Variants in LRRK1 observed in about 807,000 individuals in gnomAD.
LRRK1 encodes the protein leucine rich repeat kinase 1.
In LRRK1, 113 loss-of-function variants were observed where a neutral mutation model predicts 209.1. That is an observed-to-expected ratio of 0.54 (90% confidence interval 0.46 to 0.63). LRRK1 has a LOEUF of 0.63. Ranked by LOEUF, LRRK1 falls within the 30% of genes least tolerant of loss-of-function variation. LRRK1 has a pLI of 0.00. For missense variants in LRRK1, 2,284 were observed against 2,632.2 expected (o/e 0.87, Z 2.89); for synonymous variants, 1,144 against 1,099.7 (o/e 1.04, Z -0.80).
chr15:101,053,199 C>G (rs1202885733), intron 25 of LRRK1, 24 bp from the exon 26 acceptor site: 1 of 1,600,070 alleles, frequency 6.2e-7, no homozygotes, highest in East Asian at 2.2e-5. Flanking sequence ...GTCCTACTGG[C>G]TGACACTGCG....
At chr15:100,972,335 TGAGAGAGAGA>T (rs747771078) in intron 2 of LRRK1, among the ~76,000 whole-genome samples, 2 of 106,210 alleles carry the variant, frequency 1.9e-5, no homozygotes, top group South Asian at 3.6e-4. Context: ...TATATATATA[TGAGAGAGAGA>T]GAGAGAGAGA....
chr15:101,021,615 G>A (rs943162969), intron 13 of LRRK1: 249 of 540,196 alleles, frequency 4.6e-4, no homozygotes, highest in Non-Finnish European at 7.1e-4. Flanking sequence ...AGTTGGGGGA[G>A]GGGACTCAAT....
At chr15:101,025,040 A>G in intron 16 of LRRK1, 73 bp downstream of exon 16, 1 of 1,489,384 alleles carries the variant, frequency 6.7e-7, no homozygotes, top group East Asian at 2.3e-5. Context: ...TCCCTCAAGC[A>G]TCCCCTGTAC....
At chr15:101,023,917 C>T (rs542104610) in intron 15 of LRRK1, among the ~76,000 whole-genome samples, 1 of 152,334 alleles carries the variant, frequency 6.6e-6, no homozygotes, top group Non-Finnish European at 1.5e-5. Context: ...GAACCAGAAT[C>T]CTCTGCATTC....
At position 100,947,768 on chromosome 15, in the gene LRRK1, G is replaced by A. The variant is rs1279878632; in HGVS notation, c.97+23039G>A. 2.6e-5 allele frequency among the ~76,000 whole-genome samples: 4 copies of A among 152,224 alleles called. No individual in the cohort carries two copies. In the East Asian group the frequency reaches 7.7e-4, roughly 29 times the overall value. On this transcript the variant is annotated intron_variant, in intron 2 of 33. Transcript: ENST00000388948. ...AGCTATCATGAAGAAGAGTGTGCTA[G>A]ATCTCCATGTGCCTATGCAGAAGAA...
In LRRK1 at chr15:101,077,134, T is replaced by A. The variant is rs566200566; in HGVS notation, c.*8286T>A. ...AGACTGGACAATACTTTTACCACTT[T>A]CCCTTCTCAGAATTCAGGCCTGTCC... On this transcript the variant is annotated 3_prime_UTR_variant, in exon 34 of 34. Coordinates refer to ENST00000388948, the MANE Select transcript of LRRK1 (RefSeq NM_024652.6). 1 of 152,320 alleles carries A rather than the reference T, an allele frequency of 6.6e-6. No homozygotes were observed. Among genetic ancestry groups the A allele is most frequent in the East Asian group, 1.9e-4 (1 of 5,194 alleles). The allele number at this position is 152,320 out of a possible 1,614,324, so 9.4% of individuals were successfully genotyped here.
intron 2 of LRRK1, among the ~76,000 whole-genome samples, chr15:100,943,164 C>T (rs938330123): frequency 1.3e-5 from 2 of 152,102 alleles, no homozygotes; most frequent in Non-Finnish European, 2.9e-5. Context: ...ACAAGATGGC[C>T]TGCCTTTCCT....
At chr15:100,962,794 C>CATATATAT (rs769399875) in intron 2 of LRRK1, among the ~76,000 whole-genome samples, 1 of 39,412 alleles carries the variant, frequency 2.5e-5, no homozygotes, top group African/African-American at 8.8e-5. Context: ...TTTCATTTTG[C>CATATATAT]ATATATATAT....
rs572652315 is a variant in LRRK1 at position 101,074,413 on chromosome 15, C to A, written c.*5565C>A. The A allele has an allele frequency of 1.3e-5, 2 of 152,150 alleles. No individual in the cohort carries two copies. The highest frequency in any genetic ancestry group is 6.5e-5 in the Admixed American group (1 of 15,276). The allele number at this position is 152,150 out of a possible 1,614,324, so 9.4% of individuals were successfully genotyped here. On this transcript the variant is annotated 3_prime_UTR_variant, in exon 34 of 34. Coordinates refer to ENST00000388948, the MANE Select transcript of LRRK1 (RefSeq NM_024652.6). ...AAAGGCATAGTCAAGGTTAATGCTC[C>A]TTTTTCTTTATCCCAAATCAGATAG...
intron 2 of LRRK1, among the ~76,000 whole-genome samples, chr15:100,963,667 C>T (rs1245015682): frequency 1.3e-5 from 2 of 152,190 alleles, no homozygotes; most frequent in Non-Finnish European, 1.5e-5. Context: ...CGTGTCATTT[C>T]TGTAGGGAAA....
intron 4 of LRRK1, among the ~76,000 whole-genome samples, chr15:100,984,937 C>T (rs2031790559): frequency 6.6e-6 from 1 of 152,162 alleles, no homozygotes; most frequent in South Asian, 2.1e-4. Flanking sequence ...TCACCCAGGG[C>T]CCTGCACCTA....
chr15:101,053,488 C>T lies in LRRK1; in HGVS notation c.4054+68C>T, dbSNP rs576479738. ...AGCCCCGGGCGCCTCCTGCCTGGCA[C>T]GGGGGGTAGAGCCTCAGGTGGCCTT... On this transcript the variant is annotated intron_variant, in intron 26 of 33. Coordinates refer to ENST00000388948, the MANE Select transcript of LRRK1 (RefSeq NM_024652.6). 1,321 of 1,382,380 alleles carry T rather than the reference C, an allele frequency of 9.6e-4. 21 individuals carry two copies. In the South Asian group the frequency reaches 0.016, roughly 17 times the overall value. 85.6% of individuals were successfully genotyped at this position (1,382,380 alleles called of 1,614,324 possible).
chr15:101,043,211 CTGGA>C (rs2034861236), intron 20 of LRRK1, among the ~76,000 whole-genome samples: 1 of 152,238 alleles, frequency 6.6e-6, no homozygotes, highest in African/African-American at 2.4e-5. Flanking sequence ...GGGAGCAGGC[CTGGA>C]TCCTGCACAG....
Position 101,026,087 on chromosome 15 carries a change from C to G in LRRK1, c.2355C>G (p.Pro785=). The change falls in exon 17 of 34, where the codon CCC becomes CCG. Residue 785 remains proline (P), a synonymous_variant. Coordinates refer to ENST00000388948, the MANE Select transcript of LRRK1 (RefSeq NM_024652.6). ...ATGTGCTGGCACTCTGCCGCTCCCCCTCCGGCTCCAGGGCCACAGGCTTCC... is the reference window on the plus strand; with the variant it reads ...ATGTGCTGGCACTCTGCCGCTCCCCGTCCGGCTCCAGGGCCACAGGCTTCC... ...RAYVLALCRS[P]SGSRATGFPD... is the part of the protein sequence containing the mutation. 2 of 1,614,274 alleles carry G rather than the reference C, an allele frequency of 1.2e-6. No individual in the cohort carries two copies. Among genetic ancestry groups the G allele is most frequent in the Non-Finnish European group, 1.7e-6 (2 of 1,180,048 alleles).
chr15:100,963,840 A>G (rs538843171), intron 2 of LRRK1, among the ~76,000 whole-genome samples: 5 of 152,322 alleles, frequency 3.3e-5, no homozygotes, highest in East Asian at 3.9e-4. Flanking sequence ...ACAGCAAGGA[A>G]TGTTATAAGC....
chr15:101,027,634 C>A lies in LRRK1; in HGVS notation c.2527-4C>A. 6.2e-7 allele frequency: 1 copy of A among 1,611,100 alleles called. No individual in the cohort carries two copies. Reference sequence around the variant, plus strand: ...AGACCCTGCCTCGCCCAACTGTCCCCCAGATCCCCAGGAGCTACCTGAGCC... The same window carrying A: ...AGACCCTGCCTCGCCCAACTGTCCCACAGATCCCCAGGAGCTACCTGAGCC... On this transcript the variant is annotated splice_polypyrimidine_tract_variant and splice_region_variant and intron_variant, in intron 18 of 33. Coordinates refer to ENST00000388948, the MANE Select transcript of LRRK1 (RefSeq NM_024652.6). This position sits in a 1 kb window ranked among gnomAD's most constrained non-coding sequence, Gnocchi z 5.1.
At chr15:101,042,783 C>T (rs58588800) in intron 20 of LRRK1, among the ~76,000 whole-genome samples, 3,545 of 152,346 alleles carry the variant, frequency 0.023, 127 homozygotes, top group African/African-American at 0.078. Flanking sequence ...TTTCTTCCTT[C>T]AAATTCTCAC....
At chr15:101,052,472 G>A (rs1332507018) in intron 24 of LRRK1, among the ~76,000 whole-genome samples, 1 of 151,284 alleles carries the variant, frequency 6.6e-6, no homozygotes, top group African/African-American at 2.4e-5. Context: ...TTTGTCAAAC[G>A]CTGACTCCTG....
At chr15:101,050,292 CT>C (rs968788024) in intron 23 of LRRK1, among the ~76,000 whole-genome samples, 5 of 152,208 alleles carry the variant, frequency 3.3e-5, no homozygotes, top group African/African-American at 1.2e-4. Flanking sequence ...TTCTCAGACC[CT>C]TTGGATCTGT....
Sources: gnomAD v4.1 joint callset for allele counts (sites outside exome capture counted in the v4.1 genomes callset) on GRCh38, gnomAD v4.1.1 for gene constraint, Gnocchi (gnomAD v3.1) non-coding constraint, MANE v1.5 for transcripts, NCBI Gene and HGNC (gene_info 2026-07-23, HGNC 2026-07-21) for gene names.